Variants in NXN observed in about 807,000 individuals in gnomAD.
NXN encodes the protein nucleoredoxin.
A neutral mutation model predicts 48.6 loss-of-function variants in NXN; 16 were observed. The ratio of observed to expected loss-of-function variants is 0.33; its 90% CI spans 0.22 to 0.50. The LOEUF (loss-of-function observed/expected upper bound fraction) is 0.50, where lower values mean the gene tolerates loss of function less well. NXN is among the 20% of genes least tolerant of loss of function. The pLI is 0.98. For synonymous variants in NXN, 281 were observed against 269.6 expected (o/e 1.04, Z -0.41); for missense variants, 492 against 605.5 (o/e 0.81, Z 1.97).
At chr17:891,274 T>C (rs2068414321) in intron 1 of NXN, among the ~76,000 whole-genome samples, 1 of 152,170 alleles carries the variant, frequency 6.6e-6, no homozygotes, top group African/African-American at 2.4e-5. Flanking sequence ...ATCATATTGC[T>C]GAGGCTGGTC....
chr17:918,788 CA>C (rs565543862), intron 1 of NXN, among the ~76,000 whole-genome samples: 2,736 of 45,370 alleles, frequency 0.06, 55 homozygotes, highest in Middle Eastern at 0.078. Context: ...GACTCAGTCT[CA>C]AAAAAAAAAA....
At chr17:817,867 A>G (rs1056231035) in intron 5 of NXN, among the ~76,000 whole-genome samples, 2 of 152,160 alleles carry the variant, frequency 1.3e-5, no homozygotes, top group Admixed American at 6.5e-5. Flanking sequence ...CAGACTGCCC[A>G]GTTACCTGCT....
chr17:821,737 C>T (rs147579990), intron 4 of NXN, among the ~76,000 whole-genome samples: 2 of 146,378 alleles, frequency 1.4e-5, no homozygotes, highest in East Asian at 2.1e-4. Context: ...GGCGACAGAG[C>T]GAGACTCCGT....
intron 1 of NXN, 65 bp downstream of exon 1, chr17:979,254 G>GGGGGGCGGGCAGGGGTAACGGGCGT (rs2069505314): frequency 1.6e-6 from 2 of 1,240,436 alleles, no homozygotes; most frequent in South Asian, 1.5e-5. Context: ...TAACGGGCGT[G>GGGGGGCGGGCAGGGGTAACGGGCGT]GGGGGCGGGC....
intron 1 of NXN, among the ~76,000 whole-genome samples, chr17:955,462 G>A (rs143031378): frequency 0.029 from 4,389 of 151,326 alleles, 112 homozygotes; most frequent in African/African-American, 0.063. Flanking sequence ...GAGACACTGT[G>A]CCTGGCCTCA....
chr17:957,610 C>T (rs576505672), intron 1 of NXN, among the ~76,000 whole-genome samples: 10 of 148,554 alleles, frequency 6.7e-5, no homozygotes, highest in African/African-American at 2.0e-4. Context: ...CCAGCCTGGG[C>T]GACAGAGCAA....
intron 1 of NXN, among the ~76,000 whole-genome samples, chr17:908,618 A>G (rs2068603119): frequency 6.6e-6 from 1 of 152,176 alleles, no homozygotes; most frequent in South Asian, 2.1e-4. Context: ...AGTCCACGGC[A>G]GTGGATCCCA....
intron 1 of NXN, among the ~76,000 whole-genome samples, chr17:916,280 C>T (rs574122125): frequency 6.6e-6 from 1 of 152,184 alleles, no homozygotes; most frequent in African/African-American, 2.4e-5. Flanking sequence ...GTGAGGTTCC[C>T]GTGGTGCAGG....
intron 1 of NXN, among the ~76,000 whole-genome samples, chr17:841,979 G>A (rs955206532): frequency 3.3e-5 from 5 of 151,998 alleles, no homozygotes; most frequent in Non-Finnish European, 7.4e-5. Context: ...CTACCAAAAA[G>A]GCAAAAATGA....
intron 1 of NXN, among the ~76,000 whole-genome samples, chr17:838,991 CTA>C (rs1408331334): frequency 6.6e-6 from 1 of 152,152 alleles, no homozygotes; most frequent in African/African-American, 2.4e-5. Context: ...CCCCGCTCTG[CTA>C]TGAACCACCA....
At chr17:853,861 T>C (rs576142378) in intron 1 of NXN, among the ~76,000 whole-genome samples, 21 of 151,596 alleles carry the variant, frequency 1.4e-4, no homozygotes, top group Non-Finnish European at 2.7e-4. Flanking sequence ...GTAGCTGGGA[T>C]TACAGGCACC....
intron 1 of NXN, among the ~76,000 whole-genome samples, chr17:946,027 A>G (rs1028636332): frequency 6.6e-6 from 1 of 152,146 alleles, no homozygotes; most frequent in African/African-American, 2.4e-5. Context: ...TCCCTGGGGT[A>G]GAGAGGGAGA....
rs117381300 is a variant in NXN, at chr17:881,199, G to C, written c.361-55121C>G. ...CACAGTATCAAACCCGGGTGAGGAC[G>C]TGGAGCAAGTGCGAGTCTCACACTC... On this transcript the variant is annotated intron_variant, in intron 1 of 7. Transcript: ENST00000336868. 4.6e-5 allele frequency among the ~76,000 whole-genome samples: 7 copies of C among 152,328 alleles called. No individual in the cohort carries two copies. In the East Asian group the frequency reaches 1.3e-3, roughly 29 times the overall value.
chr17:972,433 C>T (rs1291651144), intron 1 of NXN, among the ~76,000 whole-genome samples: 2 of 151,744 alleles, frequency 1.3e-5, no homozygotes, highest in East Asian at 2.0e-4. Context: ...GCCGAGATCG[C>T]GCCACTGCTC....
rs1406563869 is a variant in NXN at position 896,897 on chromosome 17, G to T, written c.361-70819C>A. ...CTCAACAAACTCACGCTATTTCTCA[G>T]TTCCTGCATATCACACACAATATTC... On this transcript the variant is annotated intron_variant, in intron 1 of 7. Transcript: ENST00000336868. 3.2e-6 allele frequency: 4 copies of T among 1,240,546 alleles called. No homozygotes were observed. In the South Asian group the frequency reaches 5.3e-5, roughly 17 times the overall value. The allele number at this position is 1,240,546 out of a possible 1,614,324, so 76.8% of individuals were successfully genotyped here.
chr17:838,400 G>C (rs928513706), intron 1 of NXN, among the ~76,000 whole-genome samples: 1 of 152,008 alleles, frequency 6.6e-6, no homozygotes, highest in African/African-American at 2.4e-5. Context: ...CCCAGAAGCT[G>C]GGATTACAGG....
chr17:890,475 G>A (rs537681246), intron 1 of NXN, among the ~76,000 whole-genome samples: 3 of 152,024 alleles, frequency 2.0e-5, no homozygotes, highest in Admixed American at 6.6e-5. Flanking sequence ...CCGGGTTCAC[G>A]CCATTCTCCT....
intron 1 of NXN, among the ~76,000 whole-genome samples, chr17:931,671 C>A (rs1490809047): frequency 1.3e-5 from 2 of 149,128 alleles, no homozygotes; most frequent in Non-Finnish European, 3.0e-5. Flanking sequence ...CCTGTCTCTG[C>A]TAAAAATACA....
rs568144603 is a variant in NXN at position 977,574 on chromosome 17, T to C, written c.360+1745A>G. Among the ~76,000 whole-genome samples, 323 of 152,370 alleles carry C rather than the reference T, an allele frequency of 2.1e-3. 4 individuals are homozygous for C. Among genetic ancestry groups the C allele is most frequent in the East Asian group, 1.3e-3 (7 of 5,192 alleles). On this transcript the variant is annotated intron_variant, in intron 1 of 7. Transcript: ENST00000336868. Reference sequence around the variant, plus strand: ...TACTATCCAAAAAATGTATTTCCTCTTCAGTAAAAAACACAACAATAGGCT... The same window carrying C: ...TACTATCCAAAAAATGTATTTCCTCCTCAGTAAAAAACACAACAATAGGCT...
Sources: gnomAD v4.1 joint callset for allele counts (sites outside exome capture counted in the v4.1 genomes callset) on GRCh38, gnomAD v4.1.1 for gene constraint, MANE v1.5 for transcripts, NCBI Gene and HGNC (gene_info 2026-07-23, HGNC 2026-07-21) for gene names.